Variants in DLC1 observed in about 807,000 individuals in gnomAD.
DLC1 encodes the protein DLC1 Rho GTPase activating protein.
A neutral mutation model predicts 140.3 loss-of-function variants in DLC1; 54 were observed. The ratio of observed to expected loss-of-function variants is 0.38; its 90% CI spans 0.31 to 0.48. The LOEUF (loss-of-function observed/expected upper bound fraction) is 0.48. DLC1 is among the 20% of genes least tolerant of loss of function. The pLI is 0.96. For synonymous variants in DLC1, 986 were observed against 728.1 expected, an observed-to-expected ratio of 1.35 and a Z score of -5.70; for missense variants, 2,536 against 1,907.0, an observed-to-expected ratio of 1.33 and a Z score of -6.14.
chr8:13,401,676 A>G, intron 2 of DLC1, 57 bp from the exon 3 acceptor site: 1 of 1,571,770 alleles, frequency 6.4e-7, no homozygotes, highest in Non-Finnish European at 8.6e-7. Context: ...AATAAGAATA[A>G]AAAGTTCCCT....
At position 13,100,580 on chromosome 8, in the gene DLC1, C is replaced by A; in HGVS notation, c.1757G>T (p.Ser586Ile). Residue 586 changes from serine to isoleucine, a missense_variant, in exon 9 of 18, where the codon AGC (serine) becomes ATC (isoleucine). By Grantham distance (142) the Ser-to-Ile change is moderately radical. Transcript: ENST00000276297. ...GACGGAAGACACCTCCTGGCGCTCG[C>A]TGAGGTCCATCAGCGTGCCTCCGGG... Reference protein sequence around the residue: ...PSPGGTLMDLSERQEVSSVRS... With the variant: ...PSPGGTLMDLIERQEVSSVRS... The A allele has an allele frequency of 2.5e-6, 4 of 1,613,774 alleles. No individual in the cohort carries two copies. Among genetic ancestry groups the A allele is most frequent in the Non-Finnish European group, 3.4e-6 (4 of 1,179,894 alleles).
In DLC1 at chr8:13,245,604, T is replaced by C. The variant is rs73663654; in HGVS notation, c.1348+59665A>G. On this transcript the variant is annotated intron_variant, in intron 5 of 17. Transcript: ENST00000276297. ...GAATCTTTGTCTCAGGGACTTTTCT[T>C]TAGGGAAATCCACGTTAAGATACTG... Among the ~76,000 whole-genome samples the C allele has an allele frequency of 4.0e-3, 603 of 152,292 alleles. 7 individuals carry two copies. The highest frequency in any genetic ancestry group is 0.013 in the African/African-American group (533 of 41,570).
At chr8:13,400,377 T>C (rs1420194315) in intron 3 of DLC1, among the ~76,000 whole-genome samples, 2 of 152,276 alleles carry the variant, frequency 1.3e-5, no homozygotes, top group East Asian at 3.9e-4. Context: ...GAACCTGCAG[T>C]TGAGAAATTA....
intron 4 of DLC1, among the ~76,000 whole-genome samples, chr8:13,310,551 G>A (rs1376607666): frequency 1.3e-5 from 2 of 151,728 alleles, no homozygotes; most frequent in Non-Finnish European, 1.5e-5. Context: ...AACAGGAAGC[G>A]TTTTGGGATT....
At chr8:13,345,434 G>T (rs930943942) in intron 4 of DLC1, among the ~76,000 whole-genome samples, 7 of 152,026 alleles carry the variant, frequency 4.6e-5, no homozygotes, top group Non-Finnish European at 4.4e-5. Flanking sequence ...CAATGAGGGA[G>T]GGAAGGAGCC....
intron 5 of DLC1, among the ~76,000 whole-genome samples, chr8:13,262,850 C>T (rs1830518694): frequency 6.6e-6 from 1 of 152,182 alleles, no homozygotes; most frequent in South Asian, 2.1e-4. Context: ...TCATCATCTC[C>T]ACAGGCAGTA....
chr8:13,133,008 CT>C lies in DLC1; in HGVS notation c.1349-17352del, dbSNP rs1192655354. ...AGCACGGCAGGCGGCGGCGGAAGCG[CT>C]GTGGGGAAGTCGAGGCAGGCGGAGG... On this transcript the variant is annotated intron_variant, in intron 5 of 17. Transcript: ENST00000276297. 1.9e-6 allele frequency: 3 copies of C among 1,606,526 alleles called. No homozygotes were observed. The African/African-American group carries it at 4.0e-5, about 21-fold the overall frequency.
chr8:13,112,032 G>A (rs973302445), intron 6 of DLC1, among the ~76,000 whole-genome samples: 9 of 152,084 alleles, frequency 5.9e-5, no homozygotes, highest in Non-Finnish European at 1.3e-4. Flanking sequence ...GCGGGCTGTG[G>A]TCTCAGCTAC....
intron 1 of DLC1, chr8:13,567,057 T>C (rs1370426105): frequency 6.4e-7 from 1 of 1,551,750 alleles, no homozygotes; most frequent in Admixed American, 2.0e-5. Flanking sequence ...CTGATGAGAC[T>C]GAGACTTTGA....
intron 1 of DLC1, among the ~76,000 whole-genome samples, chr8:13,554,243 T>C (rs1803967477): frequency 6.6e-6 from 1 of 152,134 alleles, no homozygotes; most frequent in Non-Finnish European, 1.5e-5. Context: ...ATTTTTGTAC[T>C]TTTAGTAGAG....
chr8:13,370,975 G>T (rs886891480), intron 4 of DLC1, among the ~76,000 whole-genome samples: 1 of 152,066 alleles, frequency 6.6e-6, no homozygotes, highest in Non-Finnish European at 1.5e-5. Context: ...TGTGGGTGAC[G>T]TACTCTATTC....
At chr8:13,180,190 A>G (rs554592482) in intron 5 of DLC1, among the ~76,000 whole-genome samples, 1 of 152,314 alleles carries the variant, frequency 6.6e-6, no homozygotes, top group Admixed American at 6.5e-5. Context: ...AGTGCAGTCA[A>G]ACTACTTGTT....
chr8:13,556,526 A>G lies in DLC1; in HGVS notation c.-126+48011T>C, dbSNP rs2117370609. ...CCTTCCTGGTACACTGCCTCTTCTG[A>G]AGACTCCTTCATGATGCCTGCTTCC... On this transcript the variant is annotated intron_variant, in intron 1 of 1. Coordinates refer to the DLC1 transcript ENST00000631382. 2.0e-5 allele frequency among the ~76,000 whole-genome samples: 3 copies of G among 152,238 alleles called. No homozygotes were observed. The South Asian group carries it at 6.2e-4, about 32-fold the overall frequency.
chr8:13,314,009 G>T (rs1051733408), intron 4 of DLC1, among the ~76,000 whole-genome samples: 1 of 151,928 alleles, frequency 6.6e-6, no homozygotes, highest in Admixed American at 6.6e-5. Flanking sequence ...CAGGACCTGA[G>T]GGCATAAGTG....
chr8:13,160,594 C>G (rs975982391), intron 5 of DLC1, among the ~76,000 whole-genome samples: 51 of 152,256 alleles, frequency 3.3e-4, no homozygotes, highest in African/African-American at 1.1e-3. Context: ...CTCTTTTCCT[C>G]TCTCTCTCTT....
chr8:13,366,130 G>C (rs896759878), intron 4 of DLC1, among the ~76,000 whole-genome samples: 3 of 152,168 alleles, frequency 2.0e-5, no homozygotes, highest in African/African-American at 7.2e-5. Flanking sequence ...AAGCCTCTAC[G>C]GCTCGTCCAG....
intron 2 of DLC1, among the ~76,000 whole-genome samples, chr8:13,468,978 G>A (rs938130334): frequency 4.0e-5 from 6 of 151,782 alleles, no homozygotes; most frequent in South Asian, 4.2e-4. Flanking sequence ...GCGCCATCAC[G>A]CTCAGCTAAT....
At chr8:13,356,076 C>G (rs1263007222) in intron 4 of DLC1, among the ~76,000 whole-genome samples, 1 of 92,992 alleles carries the variant, frequency 1.1e-5, no homozygotes, top group African/African-American at 4.5e-5. Flanking sequence ...AGTGACAGAG[C>G]AAGACTCCAT....
chr8:13,381,555 T>C (rs755977396), intron 4 of DLC1, among the ~76,000 whole-genome samples: 1 of 152,206 alleles, frequency 6.6e-6, no homozygotes, highest in African/African-American at 2.4e-5. Context: ...TGTCGTTGTC[T>C]CTTAGATTTT....
Sources: allele counts gnomAD v4.1 joint callset (sites outside exome capture counted in the v4.1 genomes callset), GRCh38; gene constraint gnomAD v4.1.1; transcripts MANE v1.5; gene names NCBI Gene and HGNC (gene_info 2026-07-23, HGNC 2026-07-21).